SNX29: variants seen among roughly 807,000 people sequenced by gnomAD.
The protein encoded by SNX29 is sorting nexin-29.
A neutral mutation model predicts 102.1 loss-of-function variants in SNX29; 78 were observed. The observed-to-expected ratio is 0.76, with a 90% CI of 0.64 to 0.92. SNX29 has a LOEUF of 0.92. Among genes scored for constraint, SNX29 ranks in the 40% least tolerant of loss-of-function variants. The pLI is 0.00. For missense variants in SNX29, 1,280 were observed against 1,061.7 expected (o/e 1.21, Z -2.86); for synonymous variants, 580 against 414.5 (o/e 1.40, Z -4.85).
intron 13 of SNX29, among the ~76,000 whole-genome samples, chr16:12,165,544 A>G (rs2055981882): frequency 6.6e-6 from 1 of 152,176 alleles, no homozygotes; most frequent in African/African-American, 2.4e-5. Flanking sequence ...TTCAAATATT[A>G]AATATAAACT....
At chr16:12,039,645 C>A (rs1294318896) in intron 4 of SNX29, among the ~76,000 whole-genome samples, 1 of 152,156 alleles carries the variant, frequency 6.6e-6, no homozygotes, top group East Asian at 1.9e-4. Context: ...CTGTTTAGGT[C>A]CTAGATTGGA....
At chr16:12,432,428 C>G (rs1177195895) in intron 18 of SNX29, among the ~76,000 whole-genome samples, 1 of 152,152 alleles carries the variant, frequency 6.6e-6, no homozygotes, top group East Asian at 1.9e-4. Flanking sequence ...AGGGTTTGGG[C>G]ACTTAGCCCA....
At chr16:12,364,161 T>TTGTTATGTTA (rs56227162) in intron 16 of SNX29, among the ~76,000 whole-genome samples, 22,503 of 138,314 alleles carry the variant, frequency 0.16, 2,047 homozygotes, top group African/African-American at 0.2. Flanking sequence ...CCTGGCTTGT[T>TTGTTATGTTA]TGTTATGTTA....
intron 14 of SNX29, among the ~76,000 whole-genome samples, chr16:12,219,307 CT>C (rs938104487): frequency 1.3e-4 from 20 of 150,890 alleles, no homozygotes; most frequent in African/African-American, 4.9e-4. Flanking sequence ...GTTTTCAGTC[CT>C]TTTTGACTGT....
intron 19 of SNX29, among the ~76,000 whole-genome samples, chr16:12,513,249 C>T (rs1227636829): frequency 6.7e-6 from 1 of 149,050 alleles, no homozygotes; most frequent in Non-Finnish European, 1.5e-5. Context: ...TGTTTTCTGT[C>T]CTCCTCTCCC....
chr16:12,214,062 A>G lies in SNX29; in HGVS notation c.1678+14379A>G, dbSNP rs899760782. Among the ~76,000 whole-genome samples, 8 of 152,280 alleles carry G rather than the reference A, an allele frequency of 5.3e-5. No individual in the cohort carries two copies. The South Asian group carries it at 6.2e-4, about 12-fold the overall frequency. ...GCAAGAGGATCCAGTCCCAGGTTCTAAAAGTGGCCCTCGTCTCTCTGGCGA... is the reference window on the plus strand; with the variant it reads ...GCAAGAGGATCCAGTCCCAGGTTCTGAAAGTGGCCCTCGTCTCTCTGGCGA... On this transcript the variant is annotated intron_variant, in intron 14 of 20. Transcript: ENST00000566228.
At chr16:12,539,027 C>T (rs183086717) in intron 20 of SNX29, among the ~76,000 whole-genome samples, 72 of 152,256 alleles carry the variant, frequency 4.7e-4, no homozygotes, top group Non-Finnish European at 7.1e-4. Context: ...TCCATGAATC[C>T]AGAATGGGGC....
intron 13 of SNX29, among the ~76,000 whole-genome samples, chr16:12,168,009 G>A (rs1596407409): frequency 1.3e-5 from 2 of 152,278 alleles, no homozygotes; most frequent in African/African-American, 4.8e-5. Flanking sequence ...AGCACGCTGC[G>A]CTGGCTCTCA....
At chr16:12,309,671 C>G (rs2080465571) in intron 15 of SNX29, among the ~76,000 whole-genome samples, 1 of 152,214 alleles carries the variant, frequency 6.6e-6, no homozygotes. Flanking sequence ...CAGTGATTCT[C>G]AGAGGGAGGT....
chr16:12,539,921 T>G (rs1340187614), intron 20 of SNX29, among the ~76,000 whole-genome samples: 2 of 152,186 alleles, frequency 1.3e-5, no homozygotes, highest in African/African-American at 4.8e-5. Flanking sequence ...TTTTGGGAGT[T>G]CTTTGTATAT....
chr16:12,536,768 G>C (rs1469063398), intron 20 of SNX29, among the ~76,000 whole-genome samples: 1 of 152,124 alleles, frequency 6.6e-6, no homozygotes, highest in Non-Finnish European at 1.5e-5. Context: ...AGGAGGCCAG[G>C]AGTTTCAGAC....
chr16:12,298,256 A>G (rs575453207), intron 15 of SNX29, among the ~76,000 whole-genome samples: 1 of 152,338 alleles, frequency 6.6e-6, no homozygotes, highest in South Asian at 2.1e-4. Flanking sequence ...TAACTGAGCA[A>G]TGCAATTCAT....
chr16:12,453,006 G>T (rs1051411669), intron 18 of SNX29, among the ~76,000 whole-genome samples: 1 of 152,090 alleles, frequency 6.6e-6, no homozygotes, highest in East Asian at 1.9e-4. Context: ...AAGGCACGGG[G>T]CCCTAGATGC....
intron 6 of SNX29, 32 bp from the exon 7 acceptor site, chr16:12,048,340 A>G (rs2050168022): frequency 6.2e-7 from 1 of 1,613,584 alleles, no homozygotes; most frequent in African/African-American, 1.3e-5. Context: ...CCCATCAGCA[A>G]GCACTCCAGA....
At chr16:12,524,924 C>A (rs182234537) in intron 20 of SNX29, 83 bp downstream of exon 20, 29 of 1,555,844 alleles carry the variant, frequency 1.9e-5, no homozygotes, top group Admixed American at 1.5e-4. Flanking sequence ...GGGAGCACAG[C>A]GGCTCTCCGT....
chr16:12,523,427 A>G (rs1408639271), intron 19 of SNX29, among the ~76,000 whole-genome samples: 1 of 152,178 alleles, frequency 6.6e-6, no homozygotes, highest in Non-Finnish European at 1.5e-5. Flanking sequence ...TCTTCGGTCC[A>G]GAAGGAGCAT....
intron 14 of SNX29, among the ~76,000 whole-genome samples, chr16:12,269,406 T>C (rs939751326): frequency 6.6e-6 from 1 of 152,232 alleles, no homozygotes; most frequent in Middle Eastern, 3.2e-3. Flanking sequence ...GATGTGAAAA[T>C]ACTGTGTAAT....
intron 20 of SNX29, among the ~76,000 whole-genome samples, chr16:12,544,031 AC>A (rs1363631919): frequency 6.6e-6 from 1 of 152,150 alleles, no homozygotes; most frequent in Non-Finnish European, 1.5e-5. Flanking sequence ...GACCCCGTTG[AC>A]TCATCACATT....
intron 15 of SNX29, among the ~76,000 whole-genome samples, chr16:12,341,962 C>G (rs2081622705): frequency 6.6e-6 from 1 of 152,148 alleles, no homozygotes; most frequent in South Asian, 2.1e-4. Context: ...GTGCTTCGTG[C>G]CAGGAAGTAA....
Sources: allele counts gnomAD v4.1 joint callset (sites outside exome capture counted in the v4.1 genomes callset), GRCh38; gene constraint gnomAD v4.1.1; transcripts MANE v1.5; gene names NCBI Gene and HGNC (gene_info 2026-07-23, HGNC 2026-07-21).